The following TPRA1 variants were observed in gnomAD, a reference collection of about 807,000 sequenced individuals.
TPRA1 encodes the protein transmembrane protein adipocyte associated 1.
Under a neutral mutation model 40.1 loss-of-function variants are expected in TPRA1, and 28 were observed. The ratio of observed to expected loss-of-function variants is 0.70; its 90% CI spans 0.52 to 0.96. The LOEUF (loss-of-function observed/expected upper bound fraction) is 0.96, where lower values mean the gene tolerates loss of function less well. Ranked by LOEUF, TPRA1 falls within the 40% of genes least tolerant of loss-of-function variation. TPRA1 has a pLI of 0.00. For synonymous variants in TPRA1, 219 were observed against 209.7 expected (o/e 1.04, Z -0.38); for missense variants, 441 against 482.6 (o/e 0.91, Z 0.81).
Position 127,579,502 on chromosome 3 carries a change from G to GT in TPRA1, c.258+237dup, listed in dbSNP as rs3836354. Among the ~76,000 whole-genome samples the GT allele has an allele frequency of 1.1e-3, 163 of 152,308 alleles. 2 individuals are homozygous for GT. The East Asian group carries it at 0.03, about 28-fold the overall frequency. On this transcript the variant is annotated intron_variant, in intron 3 of 10. Transcript: ENST00000355552. ...CAGCAAACAGGCACTGTTTGCCTGA[G>GT]TTGTAGAGGCAGGATGTTAGCTCAA...
At chr3:127,575,626 C>T (rs1483295116) in intron 8 of TPRA1, 121 bp from the exon 9 acceptor site, 2 of 1,478,678 alleles carry the variant, frequency 1.4e-6, no homozygotes, top group East Asian at 4.6e-5. Flanking sequence ...TCCCTCTCAC[C>T]CAGGGCTCTC....
intron 1 of TPRA1, among the ~76,000 whole-genome samples, chr3:127,580,707 G>T (rs937616800): frequency 2.0e-5 from 3 of 152,378 alleles, no homozygotes; most frequent in Non-Finnish European, 1.5e-5. Flanking sequence ...CTTGTGTGAG[G>T]CCACAGCGCT....
chr3:127,577,477 T>G (rs1386550956), intron 3 of TPRA1, among the ~76,000 whole-genome samples: 2 of 152,110 alleles, frequency 1.3e-5, no homozygotes, highest in Admixed American at 1.3e-4. Flanking sequence ...CTACTGTGTT[T>G]GATTGTTGGG....
chr3:127,597,820 T>A (rs2107682181), intron 1 of TPRA1, among the ~76,000 whole-genome samples: 1 of 152,166 alleles, frequency 6.6e-6, no homozygotes, highest in East Asian at 1.9e-4. Context: ...GTCTTTTTTT[T>A]TTTTTGAGAC....
chr3:127,579,005 C>T, intron 3 of TPRA1, among the ~76,000 whole-genome samples: 1 of 149,896 alleles, frequency 6.7e-6, no homozygotes, highest in Admixed American at 6.6e-5. Context: ...CACCCGAAGC[C>T]CACACCTGGA....
At chr3:127,593,079 A>G (rs563806400), upstream of TPRA1, among the ~76,000 whole-genome samples, 1 of 152,126 alleles carries the variant, frequency 6.6e-6, no homozygotes, top group Admixed American at 6.6e-5. Context: ...TGAGTTTTGA[A>G]CCCCATATCT....
In TPRA1 at chr3:127,571,799, C is replaced by T. The variant is rs2073383884; in HGVS notation, c.*1722G>A. 6.6e-6 allele frequency: 1 copy of T among 151,940 alleles called. No homozygotes were observed. The highest frequency in any genetic ancestry group is 2.1e-4 in the South Asian group (1 of 4,800). 9.4% of individuals were successfully genotyped at this position (151,940 alleles called of 1,614,324 possible). ...ACTGCATGAACCTTTTTTTTTCTTG[C>T]CATGTACATATATGACCTATTTTTA... On this transcript the variant is annotated 3_prime_UTR_variant, in exon 11 of 11. Transcript: ENST00000355552.
chr3:127,594,713 A>G (rs2074224977), upstream of TPRA1: 1 of 152,354 alleles, frequency 6.6e-6, no homozygotes, highest in Admixed American at 6.5e-5. Flanking sequence ...TCAGTTCACA[A>G]CTACGCCAAT....
At chr3:127,589,891 C>A (rs2074116267) in intron 1 of TPRA1, among the ~76,000 whole-genome samples, 1 of 152,232 alleles carries the variant, frequency 6.6e-6, no homozygotes, top group Non-Finnish European at 1.5e-5. Flanking sequence ...GACGACCCTG[C>A]GGCCCCTCCT....
At chr3:127,587,737 C>T (rs1453564749) in intron 1 of TPRA1, among the ~76,000 whole-genome samples, 4 of 142,166 alleles carry the variant, frequency 2.8e-5, no homozygotes, top group Admixed American at 2.2e-4. Flanking sequence ...AGTGCAGTGG[C>T]GCGATGTCGG....
chr3:127,583,155 A>C (rs1187308997), intron 1 of TPRA1, among the ~76,000 whole-genome samples: 1 of 151,620 alleles, frequency 6.6e-6, no homozygotes, highest in African/African-American at 2.4e-5. Context: ...CAAAAAAAAA[A>C]AAAAAAAATT....
chr3:127,587,675 CTTT>C (rs1171996656), intron 1 of TPRA1, among the ~76,000 whole-genome samples: 6 of 129,750 alleles, frequency 4.6e-5, no homozygotes, highest in African/African-American at 5.7e-5. Flanking sequence ...TGCTGCTTTT[CTTT>C]TTTTTTTTTT....
chr3:127,579,951 C>T (rs1381071403), intron 2 of TPRA1, 71 bp downstream of exon 2: 7 of 1,609,144 alleles, frequency 4.4e-6, no homozygotes, highest in Non-Finnish European at 5.9e-6. Flanking sequence ...CTGCCCCACC[C>T]TCACCACCCC....
At position 127,576,028 on chromosome 3, in the gene TPRA1, G is replaced by C. The variant is rs778552939; in HGVS notation, c.521C>G (p.Pro174Arg). ...VTQGTLEILY[P>R]DAHLSAEDFN... ...GTCCTCAGCTGAGAGATGGGCATCA[G>C]GGTACAGGATCTCCAGGGTCCCCTG... is the stretch of plus-strand genomic sequence containing the variant. Residue 174 changes from proline (P) to arginine (R), a missense_variant, in exon 7 of 11, where the codon CCT becomes CGT. Pro to Arg is a moderately radical substitution (Grantham distance 103, BLOSUM62 -2). Transcript: ENST00000355552. This position sits in a 1 kb window ranked among gnomAD's most constrained non-coding sequence, Gnocchi z 4.6. 6 of 1,613,906 alleles carry C rather than the reference G, an allele frequency of 3.7e-6. No individual in the cohort carries two copies. Among genetic ancestry groups the C allele is most frequent in the Admixed American group, 1.7e-5 (1 of 60,012 alleles).
Position 127,575,216 on chromosome 3 carries a change from T to C in TPRA1, c.823A>G (p.Ile275Val). The C allele has an allele frequency of 6.2e-7, 1 of 1,614,038 alleles. No homozygotes were observed. The highest frequency in any genetic ancestry group is 8.5e-7 in the Non-Finnish European group (1 of 1,179,996). ...FLYFSFFAPL[I>V]YVAFLRGFFG... Reference sequence around the variant, plus strand: ...AAGCCCCGGAGGAAAGCCACGTAGATGAGCGGAGCGAAGAAGCTGAAGTAC... The same window carrying C: ...AAGCCCCGGAGGAAAGCCACGTAGACGAGCGGAGCGAAGAAGCTGAAGTAC... The change falls in exon 10 of 11, where the codon ATC becomes GTC. Residue 275 changes from isoleucine (I) to valine (V), a missense_variant. By Grantham distance (29) the Ile-to-Val change is conservative (BLOSUM62 3). Transcript: ENST00000355552.
upstream of TPRA1, among the ~76,000 whole-genome samples, chr3:127,593,973 G>A (rs1318898303): frequency 1.3e-5 from 2 of 152,220 alleles, no homozygotes; most frequent in East Asian, 3.8e-4. Flanking sequence ...AGGAGACTGG[G>A]CCATCTGAAC....
At chr3:127,588,690 C>T (rs931158337) in intron 1 of TPRA1, among the ~76,000 whole-genome samples, 5 of 152,044 alleles carry the variant, frequency 3.3e-5, no homozygotes, top group African/African-American at 9.7e-5. Context: ...CAAAGTGCTA[C>T]GATTACAGGC....
Position 127,576,498 on chromosome 3 carries a change from G to A in TPRA1, c.498+119C>T. Reference sequence around the variant, plus strand: ...AACAAGCACCCCATGTGATTTCTCAGGTGCAAAGTTTTGAGAACTCTGAAG... The same window carrying A: ...AACAAGCACCCCATGTGATTTCTCAAGTGCAAAGTTTTGAGAACTCTGAAG... On this transcript the variant is annotated intron_variant, in intron 6 of 10. Coordinates refer to ENST00000355552, the MANE Select transcript of TPRA1 (RefSeq NM_001136053.4). This position sits in a 1 kb window ranked among gnomAD's most constrained non-coding sequence, Gnocchi z 4.6. 3.0e-6 allele frequency: 3 copies of A among 988,594 alleles called. No homozygotes were observed. The highest frequency in any genetic ancestry group is 4.4e-6 in the Non-Finnish European group (3 of 685,494). The allele number at this position is 988,594 out of a possible 1,614,324, so 61.2% of individuals were successfully genotyped here.
In TPRA1 at chr3:127,572,899, C is replaced by T. The variant is rs2073418896; in HGVS notation, c.*622G>A. Among the ~76,000 whole-genome samples the T allele has an allele frequency of 6.6e-6, 1 of 152,158 alleles. No homozygotes were observed. Among genetic ancestry groups the T allele is most frequent in the Non-Finnish European group, 1.5e-5 (1 of 68,026 alleles). On this transcript the variant is annotated 3_prime_UTR_variant, in exon 11 of 11. Transcript: ENST00000355552. Reference sequence around the variant, plus strand: ...GGCCCAGGGGCAGGGGCAGCGGCAGCTGGGATCCTGTTTCTCTTCACCTCC... The same window carrying T: ...GGCCCAGGGGCAGGGGCAGCGGCAGTTGGGATCCTGTTTCTCTTCACCTCC...
Sources: allele counts gnomAD v4.1 joint callset (sites outside exome capture counted in the v4.1 genomes callset), GRCh38; gene constraint gnomAD v4.1.1; non-coding constraint Gnocchi (gnomAD v3.1); transcripts MANE v1.5; gene names NCBI Gene and HGNC (gene_info 2026-07-23, HGNC 2026-07-21).